ANKDD1A: variants seen among roughly 807,000 people sequenced by gnomAD.
ANKDD1A encodes the protein ankyrin repeat and death domain containing 1A, also known as ankyrin repeat and death domain-containing protein 1A.
ANKDD1A carries 59 observed loss-of-function variants against 63.5 expected under a neutral mutation model. The observed-to-expected ratio is 0.93, with a 90% CI of 0.75 to 1.15. The LOEUF is 1.15. Among genes scored for constraint, ANKDD1A ranks in the 50% most tolerant of loss-of-function variants. The probability of loss-of-function intolerance (pLI) is 0.00; values close to 1 mark genes in which losing one functional copy is unlikely to be tolerated. For missense variants in ANKDD1A, 632 were observed against 656.4 expected, an observed-to-expected ratio of 0.96 and a Z score of 0.41; for synonymous variants, 266 against 263.9, an observed-to-expected ratio of 1.01 and a Z score of -0.08.
intron 9 of ANKDD1A, among the ~76,000 whole-genome samples, chr15:64,934,900 CCA>C (rs141012571): frequency 0.01 from 1,527 of 152,078 alleles, 14 homozygotes; most frequent in Non-Finnish European, 0.013. Flanking sequence ...TACATTTGGT[CCA>C]CACACAGGAA....
At chr15:64,931,027 C>T in intron 7 of ANKDD1A, 107 bp downstream of exon 7, 1 of 1,200,766 alleles carries the variant, frequency 8.3e-7, no homozygotes, top group Non-Finnish European at 1.2e-6. Context: ...AGGCTGAGGG[C>T]ATGATCTCGA....
chr15:64,944,360 AC>A (rs375970818), intron 11 of ANKDD1A, among the ~76,000 whole-genome samples: 72 of 152,358 alleles, frequency 4.7e-4, no homozygotes, highest in African/African-American at 1.7e-3. Context: ...CCCCTATTTC[AC>A]AGGAGATGTT....
intron 14 of ANKDD1A, 116 bp from the exon 15 acceptor site, chr15:64,956,987 T>TAACA (rs2085423078): frequency 2.6e-6 from 1 of 385,582 alleles, no homozygotes; most frequent in South Asian, 1.9e-5. Context: ...TTTTGTTTCC[T>TAACA]AACATATATG....
intron 9 of ANKDD1A, among the ~76,000 whole-genome samples, chr15:64,936,756 A>G (rs1430685420): frequency 6.6e-6 from 1 of 152,134 alleles, no homozygotes; most frequent in South Asian, 2.1e-4. Flanking sequence ...AAGTTGAAGG[A>G]TCACTTGAGC....
rs2085256813 is a variant in ANKDD1A at position 64,949,938 on chromosome 15, G to C, written c.1449G>C (p.Glu483Asp). 1 of 1,609,982 alleles carries C rather than the reference G, an allele frequency of 6.2e-7. No homozygotes were observed. Among genetic ancestry groups the C allele is most frequent in the Non-Finnish European group, 8.5e-7 (1 of 1,179,986 alleles). The part of the protein sequence containing the change: ...AGENPSKALF[E>D]GLVAIGRRDL... ...AGAACCCCAGCAAAGCGCTGTTCGA[G>C]GGCCTCGTGGCCATTGGCAGGAGGG... Residue 483 changes from glutamate to aspartate, a missense_variant, in exon 14 of 15, where the codon GAG becomes GAC. Glu to Asp is a conservative substitution (Grantham distance 45, BLOSUM62 2). Transcript: ENST00000319580.
chr15:64,953,664 T>TCTC (rs2085354744), intron 14 of ANKDD1A, among the ~76,000 whole-genome samples: 5 of 12,976 alleles, frequency 3.9e-4, no homozygotes, highest in African/African-American at 8.2e-4. Flanking sequence ...TTCTTTTCTT[T>TCTC]CTTCTCCTTC....
chr15:64,921,925 G>C lies in ANKDD1A; in HGVS notation c.272G>C (p.Gly91Ala), dbSNP rs1465406561. The C allele has an allele frequency of 6.2e-7, 1 of 1,613,944 alleles. No individual in the cohort carries two copies. Among genetic ancestry groups the C allele is most frequent in the African/African-American group, 1.3e-5 (1 of 74,890 alleles). ...GALTEARLCF[G>A]MNALLLSAWF... is the part of the protein sequence containing the mutation. ...CCTCTATGTCCTCTCCCCTAGTTTG[G>C]GATGAATGCGCTTCTCCTGTCTGCC... The change falls in exon 4 of 15, where the codon GGG (glycine) becomes GCG (alanine). Residue 91 changes from glycine (G) to alanine (A), a missense_variant. Gly to Ala is a moderately conservative substitution (Grantham distance 60, BLOSUM62 0). Coordinates refer to ENST00000319580, the MANE Select transcript of ANKDD1A (RefSeq NM_182703.6).
intron 11 of ANKDD1A, 114 bp from the exon 12 acceptor site, chr15:64,944,538 G>T (rs535430815): frequency 2.2e-6 from 2 of 914,102 alleles, no homozygotes; most frequent in African/African-American, 3.4e-5. Flanking sequence ...TGCTCTCAGC[G>T]TAGACTGCTG....
At chr15:64,948,968 A>C (rs2085246926) in intron 13 of ANKDD1A, among the ~76,000 whole-genome samples, 1 of 152,256 alleles carries the variant, frequency 6.6e-6, no homozygotes, top group Admixed American at 6.5e-5. Context: ...TGTACATTAC[A>C]GTGGCGGGGG....
intron 14 of ANKDD1A, among the ~76,000 whole-genome samples, chr15:64,955,536 G>A (rs2085409903): frequency 6.6e-6 from 1 of 152,128 alleles, no homozygotes; most frequent in African/African-American, 2.4e-5. Flanking sequence ...ATGTGTTTCT[G>A]GGGAATTGTG....
intron 14 of ANKDD1A, among the ~76,000 whole-genome samples, chr15:64,954,302 T>C (rs1388597438): frequency 8.0e-4 from 15 of 18,790 alleles, no homozygotes; most frequent in Admixed American, 5.5e-3. Flanking sequence ...CTCCTTTTCT[T>C]CTCCTTCTCT....
intron 12 of ANKDD1A, 71 bp from the exon 13 acceptor site, chr15:64,947,333 C>A: frequency 1.3e-6 from 2 of 1,515,768 alleles, no homozygotes; most frequent in South Asian, 2.5e-5. Context: ...GTCATAGGGG[C>A]CTCGGCTCGG....
rs2085314952 is a variant in ANKDD1A, at chr15:64,952,630, T to TCTCC, written c.1483+2658_1483+2659insCTCC. Among the ~76,000 whole-genome samples the TCTCC allele has an allele frequency of 5.7e-5, 7 of 122,546 alleles. No homozygotes were observed. In the South Asian group the frequency reaches 1.7e-3, roughly 29 times the overall value. The allele number at this position is 122,546 out of a possible 152,430, so 80.4% of individuals were successfully genotyped here. Reference sequence around the variant, plus strand: ...TTCTTCCTCCTCTCCTTCTTCGTCTTTTCTTTCTTCTTCTCCTTCTCCTTC... The same window carrying TCTCC: ...TTCTTCCTCCTCTCCTTCTTCGTCTTCTCCTTCTTTCTTCTTCTCCTTCTCCTTC... On this transcript the variant is annotated intron_variant, in intron 14 of 14. Coordinates refer to ENST00000319580, the MANE Select transcript of ANKDD1A (RefSeq NM_182703.6).
intron 4 of ANKDD1A, among the ~76,000 whole-genome samples, chr15:64,924,092 C>CAAGG (rs1350816225): frequency 6.6e-6 from 1 of 152,244 alleles, no homozygotes; most frequent in African/African-American, 2.4e-5. Context: ...GGCTCACCTA[C>CAAGG]AAGGCTGCAG....
rs1257353062 is a variant in ANKDD1A at position 64,947,772 on chromosome 15, C to G, written c.1351+179C>G. 3.3e-5 allele frequency among the ~76,000 whole-genome samples: 5 copies of G among 152,332 alleles called. No individual in the cohort carries two copies. In the East Asian group the frequency reaches 9.6e-4, roughly 29 times the overall value. Reference sequence around the variant, plus strand: ...TCCAGGCCTCTGCACAGGGTGCACACTCTGCCTCTCCCCATTGATTGTGAA... The same window carrying G: ...TCCAGGCCTCTGCACAGGGTGCACAGTCTGCCTCTCCCCATTGATTGTGAA... On this transcript the variant is annotated intron_variant, in intron 13 of 14. Coordinates refer to ENST00000319580, the MANE Select transcript of ANKDD1A (RefSeq NM_182703.6).
At chr15:64,916,015 T>C in intron 2 of ANKDD1A, 115 bp downstream of exon 2, 1 of 1,023,426 alleles carries the variant, frequency 9.8e-7, no homozygotes. Context: ...TGTGTAAACT[T>C]GGAGGGAGGC....
chr15:64,921,993 G>T lies in ANKDD1A; in HGVS notation c.340G>T (p.Gly114Trp), dbSNP rs774900398. 1.2e-6 allele frequency: 2 copies of T among 1,614,166 alleles called. No individual in the cohort carries two copies. Among genetic ancestry groups the T allele is most frequent in the South Asian group, 1.1e-5 (1 of 91,074 alleles). Residue 114 changes from glycine to tryptophan, a missense_variant, in exon 4 of 15, where the codon GGG (glycine) becomes TGG (tryptophan). Transcript: ENST00000319580. ...AATCCTCCAGATCTTGGTAAACTCAGGGGCCAAGATCCACTGTGAGAGCAA... is the reference window on the plus strand; with the variant it reads ...AATCCTCCAGATCTTGGTAAACTCATGGGCCAAGATCCACTGTGAGAGCAA... Reference protein sequence around the residue: ...LRILQILVNSGAKIHCESKDG... With the variant: ...LRILQILVNSWAKIHCESKDG...
intron 13 of ANKDD1A, 108 bp downstream of exon 13, chr15:64,947,701 C>T: frequency 1.5e-6 from 2 of 1,355,406 alleles, no homozygotes; most frequent in Non-Finnish European, 2.0e-6. Context: ...GTGCAACCCA[C>T]AGCCTGGTCC....
intron 14 of ANKDD1A, chr15:64,950,445 G>A: frequency 1.0e-6 from 1 of 985,362 alleles, no homozygotes; most frequent in Non-Finnish European, 1.2e-6. Flanking sequence ...GCCTGATATG[G>A]GATTCAGTGT....
Sources: gnomAD v4.1 joint callset for allele counts (sites outside exome capture counted in the v4.1 genomes callset) on GRCh38, gnomAD v4.1.1 for gene constraint, MANE v1.5 for transcripts, NCBI Gene and HGNC (gene_info 2026-07-23, HGNC 2026-07-21) for gene names.